Variants in GPC6 observed in about 807,000 individuals in gnomAD.
GPC6 encodes the protein glypican-6.
In GPC6, 14 loss-of-function variants were observed where a neutral mutation model predicts 55.2. The ratio of observed to expected loss-of-function variants is 0.25; its 90% CI spans 0.17 to 0.40. GPC6 has a LOEUF of 0.40. Among genes scored for constraint, GPC6 ranks in the 10% least tolerant of loss-of-function variants. The pLI, the probability that GPC6 is intolerant of heterozygous loss-of-function variation, is 1.00. For synonymous variants in GPC6, 278 were observed against 259.6 expected (o/e 1.07, Z -0.68); for missense variants, 641 against 708.5 (o/e 0.90, Z 1.08).
intron 3 of GPC6, among the ~76,000 whole-genome samples, chr13:93,892,047 CACTA>C (rs1875720725): frequency 6.6e-6 from 1 of 151,990 alleles, no homozygotes; most frequent in Non-Finnish European, 1.5e-5. Flanking sequence ...CGTGCACACA[CACTA>C]TACATACACA....
At chr13:93,571,624 A>G (rs1408838253) in intron 2 of GPC6, among the ~76,000 whole-genome samples, 1 of 152,204 alleles carries the variant, frequency 6.6e-6, no homozygotes, top group Non-Finnish European at 1.5e-5. Flanking sequence ...TGATGTGACT[A>G]AAATTCATTT....
At chr13:93,417,333 T>C (rs559886203) in intron 1 of GPC6, among the ~76,000 whole-genome samples, 1 of 152,096 alleles carries the variant, frequency 6.6e-6, no homozygotes, top group South Asian at 2.1e-4. Context: ...TGGAAGATAC[T>C]CTTATTTATT....
chr13:94,272,589 C>T (rs1165002474), intron 4 of GPC6, among the ~76,000 whole-genome samples: 3 of 151,264 alleles, frequency 2.0e-5, no homozygotes, highest in Non-Finnish European at 4.4e-5. Context: ...TTGCCTCAGC[C>T]TCCCAAGTAG....
chr13:93,840,033 A>G (rs939466804), intron 3 of GPC6, among the ~76,000 whole-genome samples: 176 of 152,242 alleles, frequency 1.2e-3, no homozygotes, highest in Non-Finnish European at 8.7e-4. Context: ...AATAGTGTCA[A>G]AAGGATTGGT....
At chr13:93,682,167 T>A (rs529305195) in intron 2 of GPC6, among the ~76,000 whole-genome samples, 1 of 152,248 alleles carries the variant, frequency 6.6e-6, no homozygotes, top group African/African-American at 2.4e-5. Flanking sequence ...TCAGAAGAGT[T>A]TCCCAGGAAG....
chr13:93,802,802 AGCAG>A (rs1886419936), intron 2 of GPC6, among the ~76,000 whole-genome samples: 4 of 152,228 alleles, frequency 2.6e-5, no homozygotes, highest in Non-Finnish European at 5.9e-5. Context: ...ATATATTTGA[AGCAG>A]ACTAGAGAAA....
At chr13:94,101,903 A>G (rs1885876358) in intron 4 of GPC6, among the ~76,000 whole-genome samples, 1 of 152,150 alleles carries the variant, frequency 6.6e-6, no homozygotes, top group Non-Finnish European at 1.5e-5. Flanking sequence ...TATGCAAAAC[A>G]CTGTGAGTTG....
At chr13:94,244,649 C>T (rs1012084365) in intron 4 of GPC6, among the ~76,000 whole-genome samples, 19 of 152,074 alleles carry the variant, frequency 1.2e-4, no homozygotes, top group Admixed American at 2.6e-4. Context: ...ATGGAAGTCA[C>T]ATCCATTTAT....
intron 3 of GPC6, among the ~76,000 whole-genome samples, chr13:93,858,711 C>T (rs1322925524): frequency 2.6e-5 from 4 of 151,460 alleles, no homozygotes; most frequent in African/African-American, 4.8e-5. Context: ...ATGAGAATGG[C>T]CTGTCAAATT....
chr13:94,142,400 C>T (rs1408998760), intron 4 of GPC6, among the ~76,000 whole-genome samples: 3 of 152,114 alleles, frequency 2.0e-5, no homozygotes, highest in Admixed American at 2.0e-4. Context: ...CTTTTGATGA[C>T]TATGAAAATA....
chr13:94,076,494 C>G (rs956329337), intron 4 of GPC6, among the ~76,000 whole-genome samples: 4 of 151,826 alleles, frequency 2.6e-5, no homozygotes, highest in African/African-American at 9.7e-5. Flanking sequence ...TGATGTAGTT[C>G]CACTCCATTT....
chr13:93,456,757 T>A (rs1465547750), intron 1 of GPC6, among the ~76,000 whole-genome samples: 1 of 152,064 alleles, frequency 6.6e-6, no homozygotes, highest in African/African-American at 2.4e-5. Context: ...CTGTGATCTG[T>A]TTTAGCATCT....
intron 1 of GPC6, among the ~76,000 whole-genome samples, chr13:93,319,058 C>G (rs986455880): frequency 6.6e-6 from 1 of 152,064 alleles, no homozygotes; most frequent in Non-Finnish European, 1.5e-5. Flanking sequence ...TCAATTACTT[C>G]CGATAGCACT....
chr13:94,052,959 G>T lies in GPC6; in HGVS notation c.877+25065G>T, dbSNP rs549144379. On this transcript the variant is annotated intron_variant, in intron 4 of 8. Coordinates refer to ENST00000377047, the MANE Select transcript of GPC6 (RefSeq NM_005708.5). Reference sequence around the variant, plus strand: ...CTGGGACTCTATTCTCTCTCAAGTGGCCTCTTACAAATACAACCATCCTAG... The same window carrying T: ...CTGGGACTCTATTCTCTCTCAAGTGTCCTCTTACAAATACAACCATCCTAG... 1.2e-4 allele frequency among the ~76,000 whole-genome samples: 19 copies of T among 152,166 alleles called. 1 individual carries two copies. In the South Asian group the frequency reaches 3.9e-3, roughly 32 times the overall value.
At chr13:94,100,745 TC>T (rs1351447947) in intron 4 of GPC6, among the ~76,000 whole-genome samples, 2 of 132,054 alleles carry the variant, frequency 1.5e-5, no homozygotes, top group Admixed American at 1.5e-4. Context: ...CTGGGTGAAT[TC>T]TTTAATTCTT....
intron 1 of GPC6, among the ~76,000 whole-genome samples, chr13:93,231,329 AC>A (rs1566533160): frequency 2.1e-5 from 2 of 96,830 alleles, no homozygotes; most frequent in African/African-American, 7.6e-5. Flanking sequence ...ATATATATAT[AC>A]GTATATATAT....
At chr13:93,817,318 C>T (rs908019972) in intron 2 of GPC6, among the ~76,000 whole-genome samples, 1 of 152,054 alleles carries the variant, frequency 6.6e-6, no homozygotes. Flanking sequence ...TAATTATAAA[C>T]GTAACAGTAT....
chr13:93,247,716 C>T (rs949157436), intron 1 of GPC6, among the ~76,000 whole-genome samples: 1 of 152,136 alleles, frequency 6.6e-6, no homozygotes, highest in Admixed American at 6.6e-5. Context: ...AATGGCAAAT[C>T]ATATGTCATC....
chr13:93,615,360 A>G (rs1205786801), intron 2 of GPC6, among the ~76,000 whole-genome samples: 12 of 152,254 alleles, frequency 7.9e-5, no homozygotes, highest in Admixed American at 5.9e-4. Flanking sequence ...CTGAATTGCA[A>G]CATCTGTTTG....
Sources: allele counts gnomAD v4.1 joint callset (sites outside exome capture counted in the v4.1 genomes callset), GRCh38; gene constraint gnomAD v4.1.1; transcripts MANE v1.5; gene names NCBI Gene and HGNC (gene_info 2026-07-23, HGNC 2026-07-21).